Variants in PGCKA1 observed in about 807,000 individuals in gnomAD.
PGCKA1 encodes PDCD10 and GCKIII kinases associated 1, also known as PDCD10 and GCKIII kinases-associated protein 1.
At chr4:37,567,420 A>G in the PGCKA1 span, among the ~76,000 whole-genome samples, 7 of 152,202 alleles carry the variant, frequency 4.6e-5, no homozygotes, top group Non-Finnish European at 8.8e-5. Context: ...GTTCAAAACA[A>G]TCCTCATAAA....
the PGCKA1 span, among the ~76,000 whole-genome samples, chr4:37,528,603 A>C: frequency 6.6e-6 from 1 of 152,096 alleles, no homozygotes; most frequent in African/African-American, 2.4e-5. Flanking sequence ...AATCCTTGAA[A>C]ATTTTTTAAA....
At chr4:37,487,856 T>G in the PGCKA1 span, among the ~76,000 whole-genome samples, 1 of 152,200 alleles carries the variant, frequency 6.6e-6, no homozygotes, top group African/African-American at 2.4e-5. Flanking sequence ...TTTCTTTTTC[T>G]TTTTTATTGC....
the PGCKA1 span, among the ~76,000 whole-genome samples, chr4:37,564,606 A>G: frequency 3.8e-4 from 58 of 151,972 alleles, no homozygotes; most frequent in South Asian, 8.3e-4. Context: ...TCTTGGATTC[A>G]AGTGATTCTC....
chr4:37,458,988 A>C, the PGCKA1 span, among the ~76,000 whole-genome samples: 1 of 152,216 alleles, frequency 6.6e-6, no homozygotes, highest in East Asian at 1.9e-4. Context: ...TGGATTAGGC[A>C]GGACAGATGG....
the PGCKA1 span, among the ~76,000 whole-genome samples, chr4:37,532,964 GA>G: frequency 0.017 from 2,272 of 136,702 alleles, 21 homozygotes; most frequent in South Asian, 0.12. Flanking sequence ...GACTTGGGGG[GA>G]ACAGTGGGAG....
the PGCKA1 span, among the ~76,000 whole-genome samples, chr4:37,571,339 TA>T: frequency 1.3e-5 from 2 of 150,876 alleles, no homozygotes; most frequent in Non-Finnish European, 2.9e-5. Flanking sequence ...TGGTCTAATT[TA>T]TAGAGACTAT....
chr4:37,591,186 C>T, the PGCKA1 span: 6 of 573,920 alleles, frequency 1.0e-5, no homozygotes, highest in Admixed American at 1.9e-4. Context: ...TCTGGAGTTT[C>T]ACTCTGTGTA....
chr4:37,570,264 C>A, the PGCKA1 span, among the ~76,000 whole-genome samples: 1 of 146,586 alleles, frequency 6.8e-6, no homozygotes, highest in Non-Finnish European at 1.5e-5. Flanking sequence ...TCCCAAAGTG[C>A]TGGGATTACA....
chr4:37,555,970 A>G, the PGCKA1 span, among the ~76,000 whole-genome samples: 2 of 152,186 alleles, frequency 1.3e-5, no homozygotes, highest in African/African-American at 4.8e-5. Context: ...TACTGCTCCC[A>G]TCAGGCTGTT....
chr4:37,566,757 T>G, the PGCKA1 span, among the ~76,000 whole-genome samples: 30 of 152,100 alleles, frequency 2.0e-4, no homozygotes, highest in African/African-American at 7.0e-4. Flanking sequence ...ATATTTGTAT[T>G]TTTAGTAGAG....
chr4:37,590,282 C>T, the PGCKA1 span: 1 of 1,613,958 alleles, frequency 6.2e-7, no homozygotes. Context: ...CCATGGGAGC[C>T]CTGCTGGCCT....
chr4:37,498,997 C>A, the PGCKA1 span, among the ~76,000 whole-genome samples: 1 of 152,148 alleles, frequency 6.6e-6, no homozygotes, highest in Non-Finnish European at 1.5e-5. Flanking sequence ...AAGTATGTTC[C>A]TTCAATGCCT....
At chr4:37,517,459 G>A in the PGCKA1 span, among the ~76,000 whole-genome samples, 1 of 151,882 alleles carries the variant, frequency 6.6e-6, no homozygotes, top group Non-Finnish European at 1.5e-5. Flanking sequence ...TTTTATTTGT[G>A]TTTTCTAATT....
At chr4:37,470,467 A>G in the PGCKA1 span, among the ~76,000 whole-genome samples, 446 of 152,294 alleles carry the variant, frequency 2.9e-3, 2 homozygotes, top group Admixed American at 4.8e-3. Context: ...ACTGTATGGT[A>G]CTAATCTTCA....
chr4:37,476,392 C>T, the PGCKA1 span, among the ~76,000 whole-genome samples: 1 of 152,164 alleles, frequency 6.6e-6, no homozygotes, highest in Non-Finnish European at 1.5e-5. Flanking sequence ...CAGATAACAT[C>T]TTGCCTATTG....
At chr4:37,519,014 A>G in the PGCKA1 span, among the ~76,000 whole-genome samples, 1 of 152,110 alleles carries the variant, frequency 6.6e-6, no homozygotes, top group African/African-American at 2.4e-5. Flanking sequence ...AGGACCATTT[A>G]TTGAAGGGAC....
chr4:37,468,366 C>T, the PGCKA1 span, among the ~76,000 whole-genome samples: 4 of 152,142 alleles, frequency 2.6e-5, no homozygotes, highest in African/African-American at 7.2e-5. Flanking sequence ...TGATATAAAC[C>T]TCCTCCTTTG....
At chr4:37,533,514 G>T in the PGCKA1 span, among the ~76,000 whole-genome samples, 606 of 152,302 alleles carry the variant, frequency 4.0e-3, 3 homozygotes, top group African/African-American at 0.013. Flanking sequence ...CATTGCAGAA[G>T]GTGGGGCTGC....
At chr4:37,541,821 G>T in the PGCKA1 span, among the ~76,000 whole-genome samples, 45 of 152,102 alleles carry the variant, frequency 3.0e-4, no homozygotes, top group Admixed American at 2.9e-3. Context: ...AGTTCAAGAG[G>T]CCGAAAAAGA....
Sources: gnomAD v4.1 joint callset for allele counts (sites outside exome capture counted in the v4.1 genomes callset) on GRCh38, gnomAD v4.1.1 for gene constraint, MANE v1.5 for transcripts, NCBI Gene and HGNC (gene_info 2026-07-23, HGNC 2026-07-21) for gene names.